Variants in SGCZ observed in about 807,000 individuals in gnomAD.
SGCZ encodes sarcoglycan zeta.
In SGCZ, 40 loss-of-function variants were observed where a neutral mutation model predicts 41.3. The observed-to-expected ratio is 0.97, with a 90% CI of 0.75 to 1.26. The LOEUF (loss-of-function observed/expected upper bound fraction) is 1.26, where lower values mean the gene tolerates loss of function less well. Ranked by LOEUF, SGCZ falls within the 50% of genes most tolerant of loss-of-function variation. The probability of loss-of-function intolerance (pLI) is 0.00; values close to 1 mark genes in which losing one functional copy is unlikely to be tolerated. For synonymous variants in SGCZ, 206 were observed against 137.5 expected, an observed-to-expected ratio of 1.50 and a Z score of -3.49; for missense variants, 552 against 369.8, an observed-to-expected ratio of 1.49 and a Z score of -4.04.
intron 1 of SGCZ, among the ~76,000 whole-genome samples, chr8:14,591,285 T>C (rs1013820987): frequency 5.9e-5 from 9 of 152,086 alleles, no homozygotes; most frequent in African/African-American, 1.9e-4. Flanking sequence ...CTAAGTCTAC[T>C]TAGAAATTAA....
intron 4 of SGCZ, among the ~76,000 whole-genome samples, chr8:14,214,274 C>A (rs886408826): frequency 6.6e-6 from 1 of 152,078 alleles, no homozygotes; most frequent in Non-Finnish European, 1.5e-5. Context: ...CTGTCAAGGT[C>A]ATCAAAATCA....
intron 2 of SGCZ, among the ~76,000 whole-genome samples, chr8:14,345,651 G>A (rs1802869126): frequency 6.6e-6 from 1 of 152,092 alleles, no homozygotes; most frequent in African/African-American, 2.4e-5. Context: ...TTTCCCAGAA[G>A]TTTGAATTCC....
At chr8:14,996,262 A>C (rs1177187234) in intron 1 of SGCZ, among the ~76,000 whole-genome samples, 1 of 152,218 alleles carries the variant, frequency 6.6e-6, no homozygotes, top group African/African-American at 2.4e-5. Flanking sequence ...ATAAAAATGC[A>C]GCATTCTGAA....
intron 4 of SGCZ, among the ~76,000 whole-genome samples, chr8:14,210,551 C>A (rs1400879640): frequency 1.3e-5 from 2 of 151,682 alleles, no homozygotes; most frequent in African/African-American, 2.4e-5. Flanking sequence ...CAACCCCTGT[C>A]TCCCAGGTTC....
chr8:15,183,240 T>G (rs1445911708), intron 1 of SGCZ, among the ~76,000 whole-genome samples: 1 of 152,212 alleles, frequency 6.6e-6, no homozygotes, highest in African/African-American at 2.4e-5. Context: ...ACATAGTCAT[T>G]TATTATCAAG....
intron 1 of SGCZ, among the ~76,000 whole-genome samples, chr8:14,698,127 C>T (rs912077450): frequency 8.6e-5 from 13 of 151,982 alleles, no homozygotes; most frequent in African/African-American, 3.1e-4. Context: ...AATCGCCTTT[C>T]TAGCAGTCAA....
chr8:14,643,776 C>T (rs919767325), intron 1 of SGCZ, among the ~76,000 whole-genome samples: 11 of 151,758 alleles, frequency 7.2e-5, no homozygotes, highest in African/African-American at 2.2e-4. Context: ...ATTTGCTTCT[C>T]CTTCAAACAA....
chr8:15,092,363 G>A (rs1806185731), intron 1 of SGCZ, among the ~76,000 whole-genome samples: 1 of 152,062 alleles, frequency 6.6e-6, no homozygotes, highest in African/African-American at 2.4e-5. Flanking sequence ...CTTTTATCTT[G>A]ATGTTTAATA....
At chr8:14,608,456 G>A (rs1250984595) in intron 1 of SGCZ, among the ~76,000 whole-genome samples, 1 of 151,952 alleles carries the variant, frequency 6.6e-6, no homozygotes, top group African/African-American at 2.4e-5. Context: ...GGAGGCGGGG[G>A]GCAGATGTGT....
intron 1 of SGCZ, among the ~76,000 whole-genome samples, chr8:14,736,137 C>T (rs1174604184): frequency 6.6e-6 from 1 of 152,016 alleles, no homozygotes; most frequent in Non-Finnish European, 1.5e-5. Flanking sequence ...CCAAATCATG[C>T]TCCCTGCTTG....
At chr8:14,850,880 C>T (rs895201001) in intron 1 of SGCZ, among the ~76,000 whole-genome samples, 1 of 152,142 alleles carries the variant, frequency 6.6e-6, no homozygotes, top group Admixed American at 6.6e-5. Flanking sequence ...GCCTTGCTTC[C>T]CCTTCGCCTT....
chr8:14,548,461 T>C (rs1563402069), intron 2 of SGCZ, among the ~76,000 whole-genome samples: 1 of 152,134 alleles, frequency 6.6e-6, no homozygotes, highest in Non-Finnish European at 1.5e-5. Flanking sequence ...ATAAAAAACA[T>C]CCTGATTTAG....
intron 1 of SGCZ, among the ~76,000 whole-genome samples, chr8:14,583,285 T>G (rs1283977748): frequency 6.6e-6 from 1 of 151,810 alleles, no homozygotes; most frequent in Non-Finnish European, 1.5e-5. Context: ...TTTCATGTGT[T>G]TTTTGGCTGC....
intron 1 of SGCZ, among the ~76,000 whole-genome samples, chr8:14,919,613 G>T (rs1585379158): frequency 6.6e-6 from 1 of 152,050 alleles, no homozygotes; most frequent in East Asian, 1.9e-4. Flanking sequence ...AATTTTGACA[G>T]TAGTACTATC....
chr8:14,702,861 A>G (rs978679074), intron 1 of SGCZ, among the ~76,000 whole-genome samples: 37 of 149,714 alleles, frequency 2.5e-4, no homozygotes, highest in South Asian at 4.2e-4. Context: ...AGATAGATAG[A>G]TAGATAGATA....
At chr8:14,741,099 C>G (rs1351738339) in intron 1 of SGCZ, among the ~76,000 whole-genome samples, 2 of 151,950 alleles carry the variant, frequency 1.3e-5, no homozygotes, top group African/African-American at 4.8e-5. Context: ...ACTAGAAAAA[C>G]AGAAATTAAA....
intron 2 of SGCZ, among the ~76,000 whole-genome samples, chr8:14,420,034 C>T (rs975628562): frequency 2.6e-4 from 39 of 152,164 alleles, no homozygotes; most frequent in Middle Eastern, 6.8e-3. Context: ...GTTAACGATC[C>T]TTTCCAGTAT....
chr8:14,250,896 C>T (rs1055290054), intron 3 of SGCZ, among the ~76,000 whole-genome samples: 4 of 152,118 alleles, frequency 2.6e-5, no homozygotes, highest in African/African-American at 9.7e-5. Flanking sequence ...CTCTGATATA[C>T]CGCCAGATAA....
At chr8:15,171,695 T>TCAA (rs1799834999) in intron 1 of SGCZ, among the ~76,000 whole-genome samples, 1 of 152,236 alleles carries the variant, frequency 6.6e-6, no homozygotes, top group African/African-American at 2.4e-5. Context: ...GAGCCCTTGA[T>TCAA]CCTCTTCCTT....
Sources: allele counts gnomAD v4.1 joint callset (sites outside exome capture counted in the v4.1 genomes callset), GRCh38; gene constraint gnomAD v4.1.1; transcripts MANE v1.5; gene names NCBI Gene and HGNC (gene_info 2026-07-23, HGNC 2026-07-21).